ZNF584: variants seen among roughly 807,000 people sequenced by gnomAD.
The protein encoded by ZNF584 is zinc finger protein 584.
In ZNF584, 12 loss-of-function variants were observed where a neutral mutation model predicts 14.7. The observed-to-expected ratio is 0.82, with a 90% CI of 0.52 to 1.32. ZNF584 has a LOEUF of 1.32. Among genes scored for constraint, ZNF584 ranks in the 40% most tolerant of loss-of-function variants. The probability of loss-of-function intolerance (pLI) is 0.00; values close to 1 mark genes in which losing one functional copy is unlikely to be tolerated. For missense variants in ZNF584, 478 were observed against 518.8 expected (o/e 0.92, Z 0.76); for synonymous variants, 204 against 190.9 (o/e 1.07, Z -0.57).
In ZNF584 at chr19:58,417,089, A is replaced by G. The variant is rs2052652781; in HGVS notation, c.571A>G (p.Thr191Ala). Residue 191 changes from threonine to alanine, a missense_variant, in exon 4 of 4, where the codon ACA becomes GCA. By Grantham distance (58) the Thr-to-Ala change is moderately conservative (BLOSUM62 0). Transcript: ENST00000306910. The stretch of plus-strand genomic sequence containing the variant: ...TGAAGAGAGACCCTTCAGATGCCCA[A>G]CAGGCAGAAGTGCTTTCAAGAAGTC... ...HSEERPFRCPTGRSAFKKSAH... is the reference protein window; with the variant it reads ...HSEERPFRCPAGRSAFKKSAH... The G allele has an allele frequency of 3.1e-6, 5 of 1,614,008 alleles. No individual in the cohort carries two copies. The highest frequency in any genetic ancestry group is 4.2e-6 in the Non-Finnish European group (5 of 1,179,886).
In ZNF584 at chr19:58,410,544, T is replaced by TTTTTTTTTTTTTTTTTTTTTTG. The variant is rs1568584359; in HGVS notation, c.169+453_169+454insTTTTTTTTTTTTTTTTTTTTTG. 1.5e-4 allele frequency among the ~76,000 whole-genome samples: 9 copies of TTTTTTTTTTTTTTTTTTTTTTG among 61,702 alleles called. 1 individual carries two copies. The highest frequency in any genetic ancestry group is 4.8e-4 in the African/African-American group (4 of 8,308). The allele number at this position is 61,702 out of a possible 152,430, so 40.5% of individuals were successfully genotyped here. A position where few individuals can be genotyped will look rare whatever the true frequency, so the allele number is the denominator to read the frequency against. Reference sequence around the variant, plus strand: ...ATATATATATATATATATATATATATATATATATATATATGTGTATATATA... The same window carrying TTTTTTTTTTTTTTTTTTTTTTG: ...ATATATATATATATATATATATATATTTTTTTTTTTTTTTTTTTTTTGATATATATATATATGTGTATATATA... On this transcript the variant is annotated intron_variant, in intron 2 of 3. Transcript: ENST00000306910.
chr19:58,403,435 A>G (rs1365645085), intron 1 of ZNF584, among the ~76,000 whole-genome samples: 1 of 143,872 alleles, frequency 7.0e-6, no homozygotes, highest in Non-Finnish European at 1.5e-5. Flanking sequence ...TACATACTGT[A>G]TGATTACAAG....
Position 58,409,450 on chromosome 19 carries a change from C to T in ZNF584, c.18+285C>T, listed in dbSNP as rs867983420. ...TATAGGGTAAACTGGGGACGTTGTG[C>T]TGGGGGTGTACAGTTTTAGGCATTC... On this transcript the variant is annotated intron_variant, in intron 1 of 3. Transcript: ENST00000306910. 2.0e-5 allele frequency among the ~76,000 whole-genome samples: 3 copies of T among 152,114 alleles called. No individual in the cohort carries two copies. The South Asian group carries it at 6.2e-4, about 32-fold the overall frequency.
chr19:58,408,343 T>A (rs1324806263), upstream of ZNF584: 5 of 152,224 alleles, frequency 3.3e-5, no homozygotes, highest in Non-Finnish European at 7.3e-5. Context: ...TTCAGCAACA[T>A]TCACTGCGGC....
Position 58,408,689 on chromosome 19 carries a change from A to C in ZNF584, c.-459A>C. 1 of 160,410 alleles carries C rather than the reference A, an allele frequency of 6.2e-6. No homozygotes were observed. The highest frequency in any genetic ancestry group is 1.4e-5 in the Non-Finnish European group (1 of 73,212). 9.9% of individuals were successfully genotyped at this position (160,410 alleles called of 1,614,324 possible). A position where few individuals can be genotyped will look rare whatever the true frequency, so the allele number is the denominator to read the frequency against. ...CAGCCGCGCCGCGAGGAGAGCCGGG[A>C]ATGGAGGTCGTGGCGTGAGGGGCGC... On this transcript the variant is annotated 5_prime_UTR_variant, in exon 1 of 4. Coordinates refer to ENST00000306910, the MANE Select transcript of ZNF584 (RefSeq NM_173548.3).
chr19:58,403,211 G>A (rs1015096862), intron 1 of ZNF584, among the ~76,000 whole-genome samples: 4 of 152,162 alleles, frequency 2.6e-5, no homozygotes, highest in South Asian at 2.1e-4. Flanking sequence ...ATGTCCATGC[G>A]AAAACCACAC....
chr19:58,404,997 AC>A (rs1189161094), upstream of ZNF584: 8 of 121,710 alleles, frequency 6.6e-5, no homozygotes, highest in South Asian at 1.4e-3. Context: ...CGGGGGGCTG[AC>A]CCCCCCACCT....
In ZNF584 at chr19:58,410,745, G is replaced by GTATA. The variant is rs1298705965; in HGVS notation, c.169+668_169+671dup. Among the ~76,000 whole-genome samples, 10 of 30,442 alleles carry GTATA rather than the reference G, an allele frequency of 3.3e-4. No homozygotes were observed. In the East Asian group the frequency reaches 4.2e-3, roughly 13 times the overall value. 20.0% of individuals were successfully genotyped at this position (30,442 alleles called of 152,430 possible). A position where few individuals can be genotyped will look rare whatever the true frequency, so the allele number is the denominator to read the frequency against. On this transcript the variant is annotated intron_variant, in intron 2 of 3. Transcript: ENST00000306910. ...TATATATGTATATATATATATGTGT[G>GTATA]TATATATATATATATATGTATATAT...
chr19:58,413,712 G>T (rs2052605203), intron 2 of ZNF584, among the ~76,000 whole-genome samples: 1 of 151,514 alleles, frequency 6.6e-6, no homozygotes, highest in South Asian at 2.1e-4. Flanking sequence ...TGTTGGCCAG[G>T]CTGGTCTTGA....
intron 3 of ZNF584, chr19:58,415,907 G>A (rs780792406): frequency 1.2e-5 from 19 of 1,598,878 alleles, no homozygotes; most frequent in Non-Finnish European, 1.6e-5. Flanking sequence ...GCGACTCAGT[G>A]CGTGTCTTGA....
At chr19:58,402,077 T>G (rs4801582) in intron 1 of ZNF584, among the ~76,000 whole-genome samples, 98,704 of 150,728 alleles carry the variant, frequency 0.65, 33,510 homozygotes, top group African/African-American at 0.86. Context: ...TTTGGGGGGG[T>G]AAAGTGTTTT....
At chr19:58,402,769 A>G (rs1332673283) in intron 1 of ZNF584, among the ~76,000 whole-genome samples, 2 of 139,460 alleles carry the variant, frequency 1.4e-5, no homozygotes, top group Admixed American at 1.5e-4. Context: ...GGTTGCGGCG[A>G]GCCGAGATTG....
chr19:58,409,126 C>G lies in ZNF584; in HGVS notation c.-22C>G, dbSNP rs772151891. 6.9e-7 allele frequency: 1 copy of G among 1,458,652 alleles called. No individual in the cohort carries two copies. Among genetic ancestry groups the G allele is most frequent in the South Asian group, 1.4e-5 (1 of 73,562 alleles). The allele number at this position is 1,458,652 out of a possible 1,614,324, so 90.4% of individuals were successfully genotyped here. On this transcript the variant is annotated 5_prime_UTR_variant, in exon 1 of 4. Transcript: ENST00000306910. ...CGGCTGAGGCCGTGGGTCCAGTCCA[C>G]GGGTTCTGCCCGCACGGTCCAATGG...
chr19:58,410,158 C>G (rs1479164031), intron 2 of ZNF584, 67 bp downstream of exon 2: 6 of 1,523,912 alleles, frequency 3.9e-6, no homozygotes, highest in African/African-American at 1.4e-5. Flanking sequence ...GAAGTTCTGT[C>G]CATAACGAAG....
chr19:58,412,199 C>CTTTTTTT lies in ZNF584; in HGVS notation c.169+2123_169+2129dup, dbSNP rs35188048. Among the ~76,000 whole-genome samples, 58 of 83,880 alleles carry CTTTTTTT rather than the reference C, an allele frequency of 6.9e-4. 2 individuals are homozygous for CTTTTTTT. Among genetic ancestry groups the CTTTTTTT allele is most frequent in the African/African-American group, 2.9e-3 (50 of 16,974 alleles). 55.0% of individuals were successfully genotyped at this position (83,880 alleles called of 152,430 possible). On this transcript the variant is annotated intron_variant, in intron 2 of 3. Transcript: ENST00000306910. ...GTTTCACCATGTTGGCCAGGGTGGT[C>CTTTTTTT]TTTTTTTTTTTTTTTTTTTTTGAGA...
rs2122256303 is a variant in ZNF584, at chr19:58,417,934, G to A, written c.*150G>A. ...TGTGCCTGGTGTGTGGGACGCTTTC[G>A]GGAGCCACATTGCACTCTGACTTGC... On this transcript the variant is annotated 3_prime_UTR_variant, in exon 4 of 4. Coordinates refer to ENST00000306910, the MANE Select transcript of ZNF584 (RefSeq NM_173548.3). 7 of 1,007,566 alleles carry A rather than the reference G, an allele frequency of 6.9e-6. No individual in the cohort carries two copies. The highest frequency in any genetic ancestry group is 2.4e-5 in the East Asian group (1 of 41,176). 62.4% of individuals were successfully genotyped at this position (1,007,566 alleles called of 1,614,324 possible).
rs781429177 is a variant in ZNF584, at chr19:58,401,885, C to CAAAAAAAAAA, written n.92+233_92+242dup. On this transcript the variant is annotated intron_variant and non_coding_transcript_variant, in intron 1 of 3. Coordinates refer to the ZNF584 transcript ENST00000594993. ...GGATCCTATATAAAGTGAGACTCCT[C>CAAAAAAAAAA]AAAAAAAAAAAAAAAAAAAGATTTT... Among the ~76,000 whole-genome samples, 146 of 67,016 alleles carry CAAAAAAAAAA rather than the reference C, an allele frequency of 2.2e-3. 5 individuals carry two copies. Among genetic ancestry groups the CAAAAAAAAAA allele is most frequent in the African/African-American group, 9.6e-3 (141 of 14,640 alleles). The allele number at this position is 67,016 out of a possible 152,430, so 44.0% of individuals were successfully genotyped here. A position where few individuals can be genotyped will look rare whatever the true frequency, so the allele number is the denominator to read the frequency against.
rs1250472366 is a variant in ZNF584 at position 58,410,615 on chromosome 19, G to GTA, written c.169+530_169+531dup. 8.8e-4 allele frequency among the ~76,000 whole-genome samples: 37 copies of GTA among 42,202 alleles called. 1 individual carries two copies. Among genetic ancestry groups the GTA allele is most frequent in the African/African-American group, 7.3e-3 (28 of 3,854 alleles). 27.7% of individuals were successfully genotyped at this position (42,202 alleles called of 152,430 possible). ...TATGTATATATATGTATATATATGTGTATATATGTGTATATATGTGTATAT... is the reference window on the plus strand; with the variant it reads ...TATGTATATATATGTATATATATGTGTATATATATGTGTATATATGTGTATAT... On this transcript the variant is annotated intron_variant, in intron 2 of 3. Transcript: ENST00000306910.
chr19:58,417,195 C>G lies in ZNF584; in HGVS notation c.677C>G (p.Pro226Arg). 1 of 1,613,676 alleles carries G rather than the reference C, an allele frequency of 6.2e-7. No homozygotes were observed. The highest frequency in any genetic ancestry group is 8.5e-7 in the Non-Finnish European group (1 of 1,179,778). ...GAATGTGGGAAGGCCTTCAGTTACCCGTCTAAGCTGAGGAAACACCAGAAG... is the reference window on the plus strand; with the variant it reads ...GAATGTGGGAAGGCCTTCAGTTACCGGTCTAAGCTGAGGAAACACCAGAAG... ...CNECGKAFSY[P>R]SKLRKHQKVH... Residue 226 changes from proline to arginine, a missense_variant, in exon 4 of 4, where the codon CCG (proline) becomes CGG (arginine). Pro to Arg is a moderately radical substitution (Grantham distance 103, BLOSUM62 -2). Coordinates refer to ENST00000306910, the MANE Select transcript of ZNF584 (RefSeq NM_173548.3).
Sources: allele counts gnomAD v4.1 joint callset (sites outside exome capture counted in the v4.1 genomes callset), GRCh38; gene constraint gnomAD v4.1.1; transcripts MANE v1.5; gene names NCBI Gene and HGNC (gene_info 2026-07-23, HGNC 2026-07-21).